Variants in PKD1 observed in about 807,000 individuals in gnomAD.
PKD1 encodes the protein polycystin-1.
In PKD1, 81 loss-of-function variants were observed where a neutral mutation model predicts 361.7. The observed-to-expected ratio is 0.22, with a 90% CI of 0.19 to 0.27. The LOEUF (loss-of-function observed/expected upper bound fraction) is 0.27, where lower values mean the gene tolerates loss of function less well. PKD1 is among the 10% of genes least tolerant of loss of function. The probability of loss-of-function intolerance (pLI) is 1.00; values close to 1 mark genes in which losing one functional copy is unlikely to be tolerated. For missense variants in PKD1, 6,399 were observed against 6,118.3 expected (o/e 1.05, Z -1.53); for synonymous variants, 3,615 against 2,818.3 (o/e 1.28, Z -8.95).
Position 2,102,782 on chromosome 16 carries a change from C to T in PKD1, c.8948+32G>A, listed in dbSNP as rs767210920. 6 of 1,609,680 alleles carry T rather than the reference C, an allele frequency of 3.7e-6. No individual in the cohort carries two copies. In the South Asian group the frequency reaches 6.6e-5, roughly 18 times the overall value. ...GCAATGCTGACCCATGATGCCCTGC[C>T]CTGCCCTGCCAGGCTGGCCCGCAGA... is the stretch of plus-strand genomic sequence containing the variant. On this transcript the variant is annotated intron_variant, in intron 24 of 45. Coordinates refer to ENST00000262304, the MANE Select transcript of PKD1 (RefSeq NM_001009944.3).
intron 39 of PKD1, 81 bp from the exon 40 acceptor site, chr16:2,092,269 G>T: frequency 1.4e-6 from 2 of 1,469,972 alleles, no homozygotes; most frequent in Non-Finnish European, 1.8e-6. Flanking sequence ...CAGCTCGCCT[G>T]AGCTCTGGTT....
At chr16:2,104,756 C>T in intron 21 of PKD1, 114 bp from the exon 22 acceptor site, 1 of 774,968 alleles carries the variant, frequency 1.3e-6, no homozygotes, top group Non-Finnish European at 2.1e-6. Flanking sequence ...GCTGGAGAGC[C>T]CACTTGACTG....
At position 2,097,382 on chromosome 16, in the gene PKD1, G is replaced by C. The variant is rs377535829; in HGVS notation, c.10342C>G (p.Pro3448Ala). 1 of 1,611,578 alleles carries C rather than the reference G, an allele frequency of 6.2e-7. No individual in the cohort carries two copies. Among genetic ancestry groups the C allele is most frequent in the Admixed American group, 1.7e-5 (1 of 59,988 alleles). Residue 3448 changes from proline to alanine, a missense_variant, in exon 33 of 46, where the codon CCA becomes GCA. Transcript: ENST00000262304. ...ARGQAGHGLG[P>A]EEDGFSLASP... Reference sequence around the variant, plus strand: ...GCCAGGGAGAAGCCGTCCTCCTCTGGGCCCAGCCCATGGCCCGCCTGGCCC... The same window carrying C: ...GCCAGGGAGAAGCCGTCCTCCTCTGCGCCCAGCCCATGGCCCGCCTGGCCC...
Position 2,088,845 on chromosome 16 carries a change from G to A in PKD1, c.*882C>T, listed in dbSNP as rs1431347885. On this transcript the variant is annotated 3_prime_UTR_variant, in exon 46 of 46. Coordinates refer to ENST00000262304, the MANE Select transcript of PKD1 (RefSeq NM_001009944.3). ...AGCCAGCTCCGAGGGCCTTGAGGCT[G>A]CCTGGGCCATACAGCACACTCGCGC... is the stretch of plus-strand genomic sequence containing the variant. 4 of 588,706 alleles carry A rather than the reference G, an allele frequency of 6.8e-6. No homozygotes were observed. Among genetic ancestry groups the A allele is most frequent in the Non-Finnish European group, 1.2e-5 (4 of 333,678 alleles). 36.5% of individuals were successfully genotyped at this position (588,706 alleles called of 1,614,324 possible).
rs757498760 is a variant in PKD1, at chr16:2,108,903, C to G, written c.6264G>C (p.Arg2088=). The G allele has an allele frequency of 6.3e-7, 1 of 1,583,868 alleles. No homozygotes were observed. Among genetic ancestry groups the G allele is most frequent in the South Asian group, 1.1e-5 (1 of 87,746 alleles). The change falls in exon 15 of 46, where the codon CGG becomes CGC. Residue 2088 remains arginine, a synonymous_variant. Coordinates refer to ENST00000262304, the MANE Select transcript of PKD1 (RefSeq NM_001009944.3). ...CAAAGTCCCAGTGGTAGGCCACACG[C>G]CGGGGGCTGGGGCTGGTGGCGGCCT... ...QFEAATSPSP[R]RVAYHWDFGD...
At chr16:2,107,702 A>G in intron 16 of PKD1, 181 bp downstream of exon 16, 1 of 668,702 alleles carries the variant, frequency 1.5e-6, no homozygotes, top group Non-Finnish European at 2.7e-6. Context: ...CTGTACGTGG[A>G]ACTGTGGCAG....
At chr16:2,096,903 GAGCCTTTCTGCTCCTACA>G in intron 34 of PKD1, 1 of 574,340 alleles carries the variant, frequency 1.7e-6, no homozygotes, top group Non-Finnish European at 3.1e-6. Flanking sequence ...CCTCACACAG[GAGCCTTTCTGCTCCTACA>G]AAGCCCCATG....
chr16:2,113,761 C>T, intron 11 of PKD1: 1 of 378,352 alleles, frequency 2.6e-6, no homozygotes, highest in South Asian at 2.5e-5. Flanking sequence ...TGGAGACAGC[C>T]CTGTCCCCCA....
rs1056548585 is a variant in PKD1, at chr16:2,118,536, G to A, written c.530-74C>T. ...CCCCACGCCCCCACATCCGCCCGCC[G>A]CACTCACAGGCTCCCATGCTGTTCC... On this transcript the variant is annotated intron_variant, in intron 4 of 45. Coordinates refer to ENST00000262304, the MANE Select transcript of PKD1 (RefSeq NM_001009944.3). The surrounding 1 kb of genome is among the most constrained non-coding windows in gnomAD (Gnocchi z 6.0). 1.6e-5 allele frequency: 21 copies of A among 1,294,114 alleles called. No homozygotes were observed. The highest frequency in any genetic ancestry group is 3.8e-5 in the South Asian group (3 of 79,694). The allele number at this position is 1,294,114 out of a possible 1,614,324, so 80.2% of individuals were successfully genotyped here. A position where few individuals can be genotyped will look rare whatever the true frequency, so the allele number is the denominator to read the frequency against.
chr16:2,103,390 G>C lies in PKD1; in HGVS notation c.8667C>G (p.Ser2889Arg), dbSNP rs752447240. 8 of 1,599,984 alleles carry C rather than the reference G, an allele frequency of 5.0e-6. No homozygotes were observed. Among genetic ancestry groups the C allele is most frequent in the Non-Finnish European group, 6.8e-6 (8 of 1,179,538 alleles). The change falls in exon 23 of 46, where the codon AGC (serine) becomes AGG (arginine). Residue 2889 changes from serine to arginine, a missense_variant. Physicochemically the swap from Ser to Arg is moderately radical, Grantham distance 110 (BLOSUM62 -1). Coordinates refer to ENST00000262304, the MANE Select transcript of PKD1 (RefSeq NM_001009944.3). Reference protein sequence around the residue: ...NSDWAARGHRSSANSANSVVV... With the variant: ...NSDWAARGHRRSANSANSVVV... ...CAACGGAGTTGGCGGAGTTGGCGGA[G>C]CTGCGGTGGCCCCGGGCAGCCCAGT...
In PKD1 at chr16:2,104,648, T is replaced by G; in HGVS notation, c.8017-6A>C. 6.7e-7 allele frequency: 1 copy of G among 1,486,536 alleles called. No homozygotes were observed. Among genetic ancestry groups the G allele is most frequent in the Non-Finnish European group, 9.2e-7 (1 of 1,088,638 alleles). The allele number at this position is 1,486,536 out of a possible 1,614,324, so 92.1% of individuals were successfully genotyped here. ...ACGAGCTCCCTGCTGGGCCCCTGTG[T>G]GGAGCCAGCAGTGTCCAGCCCCGCT... On this transcript the variant is annotated splice_polypyrimidine_tract_variant and splice_region_variant and intron_variant, in intron 21 of 45. Transcript: ENST00000262304.
intron 34 of PKD1, chr16:2,096,860 C>A: frequency 1.9e-6 from 1 of 526,740 alleles, no homozygotes; most frequent in South Asian, 2.4e-5. Context: ...TCTCACTGCT[C>A]TGAGACCAAG....
In PKD1 at chr16:2,112,804, C is replaced by T. The variant is rs182938045; in HGVS notation, c.3145G>A (p.Val1049Met). The T allele has an allele frequency of 1.2e-5, 19 of 1,597,850 alleles. No individual in the cohort carries two copies. The highest frequency in any genetic ancestry group is 5.0e-5 in the Admixed American group (3 of 60,008). Residue 1049 changes from valine (V) to methionine (M), a missense_variant, in exon 13 of 46, where the codon GTG becomes ATG. Val to Met is a conservative substitution (Grantham distance 21). Transcript: ENST00000262304. ...LTAGVLVDSAVEVAFLWTFGD... is the reference protein window; with the variant it reads ...LTAGVLVDSAMEVAFLWTFGD... ...GTCACTCACAGGAAGGCCACCTCCA[C>T]GGCCGAGTCCACCAGCACGCCCGCC...
In PKD1 at chr16:2,109,382, C is replaced by A; in HGVS notation, c.5785G>T (p.Glu1929Ter). Residue 1929 changes from glutamate (E) to a stop codon, truncating the protein, a stop_gained, in exon 15 of 46, where the codon GAG (glutamate) becomes TAG (stop). Transcript: ENST00000262304. LOFTEE classifies it high-confidence loss of function. ...FRLQVGGANP[E>*]VLPGPRFSHS... ...GAGAAACGGGGCCCGGGGAGCACCT[C>A]GGGGTTGGCCCCGCCGACCTGCAGG... The A allele has an allele frequency of 3.1e-6, 5 of 1,596,718 alleles. No individual in the cohort carries two copies. The highest frequency in any genetic ancestry group is 4.2e-6 in the Non-Finnish European group (5 of 1,177,046).
intron 38 of PKD1, 70 bp downstream of exon 38, chr16:2,092,876 ACATGTCCC>A (rs2091662287): frequency 1.3e-6 from 2 of 1,542,686 alleles, no homozygotes; most frequent in East Asian, 4.5e-5. Context: ...ACACATGTCC[ACATGTCCC>A]CTAGGGTCTG....
intron 1 of PKD1, chr16:2,133,119 A>T (rs1045977334): frequency 2.8e-5 from 3 of 107,652 alleles, no homozygotes; most frequent in East Asian, 2.8e-4. Context: ...ATGGGTCAGG[A>T]GGGAGAAGGG....
chr16:2,113,102 G>A, intron 12 of PKD1, 59 bp downstream of exon 12: 2 of 847,466 alleles, frequency 2.4e-6, no homozygotes, highest in Admixed American at 2.0e-5. Flanking sequence ...GGTGAAGGTG[G>A]AGCCCGCCCC....
Position 2,100,494 on chromosome 16 carries a change from T to C in PKD1, c.9470A>G (p.Asp3157Gly), listed in dbSNP as rs755648037. ...CAGGCTGTTGCGGTGGAAGGCTCTG[T>C]CGCCGTCCAGGTGCCGGTGGCCGCT... ...SRSGHRHLDGDRAFHRNSLDI... is the reference protein window; with the variant it reads ...SRSGHRHLDGGRAFHRNSLDI... The change falls in exon 27 of 46, where the codon GAC (aspartate) becomes GGC (glycine). Residue 3157 changes from aspartate to glycine, a missense_variant. Physicochemically the swap from Asp to Gly is moderately conservative, Grantham distance 94 (BLOSUM62 -1). Coordinates refer to ENST00000262304, the MANE Select transcript of PKD1 (RefSeq NM_001009944.3). This position sits in a 1 kb window ranked among gnomAD's most constrained non-coding sequence, Gnocchi z 4.4. 8.7e-6 allele frequency: 14 copies of C among 1,610,120 alleles called. No homozygotes were observed. Among genetic ancestry groups the C allele is most frequent in the Admixed American group, 1.7e-5 (1 of 59,992 alleles).
chr16:2,103,885 G>A lies in PKD1; in HGVS notation c.8172C>T (p.Ile2724=), dbSNP rs369700372. ...CCCGCACGTCCGAGCTGGCCAGGTG[G>A]ATGAGGTCTCCTGCAGACATGCGTG... The part of the protein sequence containing the change: ...DSILNITGDL[I]HLASSDVRAP... The change falls in exon 23 of 46, where the codon ATC becomes ATT. Residue 2724 remains isoleucine (I), a synonymous_variant. Coordinates refer to ENST00000262304, the MANE Select transcript of PKD1 (RefSeq NM_001009944.3). 8 of 1,472,962 alleles carry A rather than the reference G, an allele frequency of 5.4e-6. No homozygotes were observed. The highest frequency in any genetic ancestry group is 3.7e-5 in the Admixed American group (2 of 53,724). 91.2% of individuals were successfully genotyped at this position (1,472,962 alleles called of 1,614,324 possible). A position where few individuals can be genotyped will look rare whatever the true frequency, so the allele number is the denominator to read the frequency against.
Sources: allele counts gnomAD v4.1 joint callset, GRCh38; gene constraint gnomAD v4.1.1; non-coding constraint Gnocchi (gnomAD v3.1); transcripts MANE v1.5; gene names NCBI Gene and HGNC (gene_info 2026-07-23, HGNC 2026-07-21).